ABCA13: variants seen among roughly 807,000 people sequenced by gnomAD.
ABCA13 encodes ATP-binding cassette sub-family A member 13.
ABCA13 carries 476 observed loss-of-function variants against 478.7 expected under a neutral mutation model. That is an observed-to-expected ratio of 0.99 (90% confidence interval 0.92 to 1.07). The LOEUF (loss-of-function observed/expected upper bound fraction) is 1.07, where lower values mean the gene tolerates loss of function less well. Among genes scored for constraint, ABCA13 ranks in the 50% least tolerant of loss-of-function variants. The pLI is 0.00. For synonymous variants in ABCA13, 2,252 were observed against 2,158.9 expected (o/e 1.04, Z -1.20); for missense variants, 6,060 against 5,910.6 (o/e 1.03, Z -0.83).
chr7:48,508,804 C>A (rs1256250368), intron 50 of ABCA13, among the ~76,000 whole-genome samples: 2 of 152,188 alleles, frequency 1.3e-5, no homozygotes, highest in Admixed American at 1.3e-4. Flanking sequence ...GCTGTCTGAG[C>A]TGTGCTACAC....
intron 31 of ABCA13, 84 bp from the exon 32 acceptor site, chr7:48,367,710 C>T: frequency 1.9e-6 from 2 of 1,059,898 alleles, no homozygotes; most frequent in Middle Eastern, 2.3e-4. Context: ...CCTGAAAGAG[C>T]TTTCTAACTT....
At chr7:48,482,425 A>G (rs959074631) in intron 46 of ABCA13, among the ~76,000 whole-genome samples, 1 of 151,818 alleles carries the variant, frequency 6.6e-6, no homozygotes, top group African/African-American at 2.4e-5. Flanking sequence ...TCTGTTGCCT[A>G]GGCTGGAGTG....
chr7:48,367,768 A>T (rs1811906276), intron 31 of ABCA13, 26 bp from the exon 32 acceptor site: 1 of 1,520,316 alleles, frequency 6.6e-7, no homozygotes, highest in Non-Finnish European at 8.9e-7. Context: ...TTGTCTCCGG[A>T]TGCTGACTGA....
intron 7 of ABCA13, among the ~76,000 whole-genome samples, 184 bp downstream of exon 7, chr7:48,230,139 A>G (rs1788834290): frequency 6.6e-6 from 1 of 152,230 alleles, no homozygotes; most frequent in African/African-American, 2.4e-5. Flanking sequence ...CTCGAAACTG[A>G]ATTTGACTTT....
At chr7:48,482,421 GC>G (rs1398569553) in intron 46 of ABCA13, among the ~76,000 whole-genome samples, 1 of 150,656 alleles carries the variant, frequency 6.6e-6, no homozygotes, top group Non-Finnish European at 1.5e-5. Flanking sequence ...TTGCTCTGTT[GC>G]CTAGGCTGGA....
chr7:48,340,835 A>G (rs776417614), intron 29 of ABCA13, among the ~76,000 whole-genome samples: 8 of 152,214 alleles, frequency 5.3e-5, no homozygotes, highest in Non-Finnish European at 1.5e-5. Flanking sequence ...GACTGTTACT[A>G]AGAAAAAGTC....
At chr7:48,561,651 A>G (rs571720386) in intron 55 of ABCA13, among the ~76,000 whole-genome samples, 1 of 152,198 alleles carries the variant, frequency 6.6e-6, no homozygotes, top group African/African-American at 2.4e-5. Flanking sequence ...TATCAGATAT[A>G]TGGCTTACAA....
intron 23 of ABCA13, among the ~76,000 whole-genome samples, chr7:48,306,558 C>T (rs936068022): frequency 2.0e-5 from 3 of 152,170 alleles, no homozygotes; most frequent in African/African-American, 4.8e-5. Context: ...ATTCTGCTCC[C>T]AACCTCCTCC....
chr7:48,263,477 A>G lies in ABCA13; in HGVS notation c.2006-5503A>G, dbSNP rs962688963. Among the ~76,000 whole-genome samples the G allele has an allele frequency of 2.8e-4, 43 of 151,860 alleles. 2 individuals carry two copies. The highest frequency in any genetic ancestry group is 9.9e-4 in the African/African-American group (41 of 41,416). ...GAAGCAGATGGACTTGGTAGCAAAC[A>G]TTGCATTTGACACAGATTCTTAATT... On this transcript the variant is annotated intron_variant, in intron 15 of 61. Transcript: ENST00000435803.
intron 29 of ABCA13, among the ~76,000 whole-genome samples, chr7:48,339,340 A>G (rs1397459044): frequency 6.6e-6 from 1 of 152,240 alleles, no homozygotes; most frequent in Non-Finnish European, 1.5e-5. Flanking sequence ...TAAATGCATT[A>G]CATAATTTTT....
chr7:48,518,970 C>A (rs67001204), intron 52 of ABCA13, among the ~76,000 whole-genome samples: 23,162 of 151,876 alleles, frequency 0.15, 2,162 homozygotes, highest in African/African-American at 0.25. Context: ...CTCCCCCACC[C>A]CATCCCCCAA....
chr7:48,470,348 G>GAAAGAAGACTTC (rs1188641818), intron 44 of ABCA13, among the ~76,000 whole-genome samples: 1 of 152,150 alleles, frequency 6.6e-6, no homozygotes, highest in East Asian at 1.9e-4. Flanking sequence ...ATTTGGAAGA[G>GAAAGAAGACTTC]AAAAAGAAGA....
At chr7:48,188,194 T>C (rs576841744) in intron 1 of ABCA13, among the ~76,000 whole-genome samples, 33 of 152,310 alleles carry the variant, frequency 2.2e-4, no homozygotes, top group African/African-American at 7.0e-4. Flanking sequence ...ATTAGACCAG[T>C]TGGGCTCCGT....
chr7:48,340,890 T>C (rs1807054493), intron 29 of ABCA13, among the ~76,000 whole-genome samples: 1 of 152,254 alleles, frequency 6.6e-6, no homozygotes, highest in South Asian at 2.1e-4. Flanking sequence ...AGTATGAATT[T>C]AAAATTACTT....
At chr7:48,613,545 A>G (rs904970924) in intron 58 of ABCA13, among the ~76,000 whole-genome samples, 4 of 142,524 alleles carry the variant, frequency 2.8e-5, no homozygotes, top group Admixed American at 1.5e-4. Context: ...AAATCCCTTA[A>G]TAGCTTCTTC....
At chr7:48,517,090 TGAC>T (rs1448990370) in intron 52 of ABCA13, among the ~76,000 whole-genome samples, 1 of 152,166 alleles carries the variant, frequency 6.6e-6, no homozygotes, top group East Asian at 1.9e-4. Context: ...TAGCAACAAT[TGAC>T]GAAAAAATGT....
rs2130876964 is a variant in ABCA13 at position 48,508,053 on chromosome 7, G to A, written c.13524+4G>A. 6.2e-7 allele frequency: 1 copy of A among 1,613,826 alleles called. No individual in the cohort carries two copies. The highest frequency in any genetic ancestry group is 8.5e-7 in the Non-Finnish European group (1 of 1,179,792). ...CACAAACTTCCTATATGACATGGTA[G>A]GATTTGGGAATGAGATTCTGTGTGC... On this transcript the variant is annotated splice_donor_region_variant and intron_variant, in intron 50 of 61. Coordinates refer to ENST00000435803, the MANE Select transcript of ABCA13 (RefSeq NM_152701.5).
intron 1 of ABCA13, among the ~76,000 whole-genome samples, chr7:48,181,519 T>TA (rs36134726): frequency 1.3e-5 from 2 of 152,086 alleles, no homozygotes; most frequent in African/African-American, 4.8e-5. Context: ...TACTCTTTTT[T>TA]ACACTTTCAT....
chr7:48,317,014 G>A, intron 26 of ABCA13, 143 bp from the exon 27 acceptor site: 6 of 952,884 alleles, frequency 6.3e-6, no homozygotes, highest in Non-Finnish European at 6.1e-6. Context: ...TCAAACTATA[G>A]CACTCCCAAA....
Sources: allele counts gnomAD v4.1 joint callset (sites outside exome capture counted in the v4.1 genomes callset), GRCh38; gene constraint gnomAD v4.1.1; transcripts MANE v1.5; gene names NCBI Gene and HGNC (gene_info 2026-07-23, HGNC 2026-07-21).